Variants in HOMER1 observed in about 807,000 individuals in gnomAD.
The protein encoded by HOMER1 is homer scaffold protein 1, also known as homer protein homolog 1.
Under a neutral mutation model 48.9 loss-of-function variants are expected in HOMER1, and 3 were observed. That is an observed-to-expected ratio of 0.06 (90% CI 0.03 to 0.16). The LOEUF (loss-of-function observed/expected upper bound fraction) is 0.16, where lower values mean the gene tolerates loss of function less well. Among genes scored for constraint, HOMER1 ranks in the 10% least tolerant of loss-of-function variants. The pLI is 1.00. For synonymous variants in HOMER1, 134 were observed against 146.4 expected, an observed-to-expected ratio of 0.92 and a Z score of 0.61; for missense variants, 247 against 411.4, an observed-to-expected ratio of 0.60 and a Z score of 3.46.
At position 79,374,683 on chromosome 5, in the gene HOMER1, T is replaced by C. The variant is rs1748714958; in HGVS notation, c.*1326A>G. ...GTACTCTGATGCAATTCCTACTTTA[T>C]AAGCAGACTAGACAGCACTTGGCTT... On this transcript the variant is annotated 3_prime_UTR_variant, in exon 9 of 9. Coordinates refer to ENST00000334082, the MANE Select transcript of HOMER1 (RefSeq NM_004272.5). 1.3e-5 allele frequency: 2 copies of C among 152,024 alleles called. No homozygotes were observed. The highest frequency in any genetic ancestry group is 2.4e-5 in the African/African-American group (1 of 41,424). 9.4% of individuals were successfully genotyped at this position (152,024 alleles called of 1,614,324 possible).
chr5:79,510,105 T>C (rs527768158), intron 1 of HOMER1, among the ~76,000 whole-genome samples: 1 of 152,156 alleles, frequency 6.6e-6, no homozygotes, highest in African/African-American at 2.4e-5. Context: ...GCCTTTGCTG[T>C]ATGCTCTTCT....
At chr5:79,473,046 G>A (rs1182457299) in intron 1 of HOMER1, among the ~76,000 whole-genome samples, 2 of 152,054 alleles carry the variant, frequency 1.3e-5, no homozygotes, top group Non-Finnish European at 2.9e-5. Flanking sequence ...TTGCCCTGAG[G>A]GATCCCATAA....
intron 1 of HOMER1, among the ~76,000 whole-genome samples, chr5:79,484,411 G>C (rs1752038608): frequency 6.6e-6 from 1 of 152,008 alleles, no homozygotes; most frequent in African/African-American, 2.4e-5. Flanking sequence ...AAATGTACAT[G>C]ATCTAAACAC....
rs562158327 is a variant in HOMER1 at position 79,415,291 on chromosome 5, C to T, written c.528-13236G>A. Among the ~76,000 whole-genome samples the T allele has an allele frequency of 2.0e-5, 3 of 151,836 alleles. No homozygotes were observed. The South Asian group carries it at 6.3e-4, about 32-fold the overall frequency. On this transcript the variant is annotated intron_variant, in intron 5 of 8. Coordinates refer to ENST00000334082, the MANE Select transcript of HOMER1 (RefSeq NM_004272.5). ...CCTAGGGTGGTCTCAAACTCCTGGG[C>T]CCAGGCAATCCACCTGCCTCAGCCT...
intron 1 of HOMER1, among the ~76,000 whole-genome samples, chr5:79,469,609 A>C (rs1198030383): frequency 6.6e-6 from 1 of 151,816 alleles, no homozygotes; most frequent in African/African-American, 2.4e-5. Flanking sequence ...ATATTATTTT[A>C]TTTTTATCTG....
At chr5:79,501,197 G>T (rs1329838978) in intron 1 of HOMER1, among the ~76,000 whole-genome samples, 1 of 150,978 alleles carries the variant, frequency 6.6e-6, no homozygotes, top group African/African-American at 2.4e-5. Flanking sequence ...TCTCGAACTG[G>T]TAAGCTCAAG....
chr5:79,513,381 G>T lies in HOMER1; in HGVS notation c.-607C>A, dbSNP rs567347200. The T allele has an allele frequency of 2.0e-5, 3 of 153,062 alleles. No homozygotes were observed. Among genetic ancestry groups the T allele is most frequent in the Non-Finnish European group, 4.4e-5 (3 of 68,666 alleles). The allele number at this position is 153,062 out of a possible 1,614,324, so 9.5% of individuals were successfully genotyped here. On this transcript the variant is annotated 5_prime_UTR_variant, in exon 1 of 9. Coordinates refer to ENST00000334082, the MANE Select transcript of HOMER1 (RefSeq NM_004272.5). ...CGCAACCTGCACGGCACTCCACATT[G>T]GAATCTGTCTTTTTAAATGTTTCTC...
At chr5:79,442,046 C>T (rs1750752167) in intron 4 of HOMER1, among the ~76,000 whole-genome samples, 1 of 147,984 alleles carries the variant, frequency 6.8e-6, no homozygotes, top group Non-Finnish European at 1.5e-5. Flanking sequence ...GAAATAAAAA[C>T]AGATGAAATA....
At chr5:79,509,477 T>C (rs1030530379) in intron 1 of HOMER1, among the ~76,000 whole-genome samples, 2 of 143,582 alleles carry the variant, frequency 1.4e-5, no homozygotes, top group African/African-American at 5.3e-5. Context: ...GCTGTCATTA[T>C]GAGATACTAT....
chr5:79,504,366 A>T (rs1378936167), intron 1 of HOMER1, among the ~76,000 whole-genome samples: 1 of 151,846 alleles, frequency 6.6e-6, no homozygotes, highest in African/African-American at 2.4e-5. Flanking sequence ...AGTGATTCAT[A>T]ACAGAGTAAG....
chr5:79,397,784 G>A, intron 6 of HOMER1, 147 bp from the exon 7 acceptor site: 1 of 455,928 alleles, frequency 2.2e-6, no homozygotes, highest in Non-Finnish European at 3.8e-6. Context: ...TCAAGGTAGA[G>A]TGAATAGATT....
intron 8 of HOMER1, among the ~76,000 whole-genome samples, chr5:79,379,960 A>G (rs1178479289): frequency 6.6e-6 from 1 of 152,198 alleles, no homozygotes; most frequent in Admixed American, 6.5e-5. Flanking sequence ...ACTAGAAGCA[A>G]TTTGTACTTG....
intron 2 of HOMER1, among the ~76,000 whole-genome samples, chr5:79,456,138 T>A (rs1287747690): frequency 9.0e-6 from 1 of 111,090 alleles, no homozygotes; most frequent in Non-Finnish European, 1.8e-5. Flanking sequence ...AGAGCAAGAC[T>A]CCGTCTCAAA....
intron 8 of HOMER1, among the ~76,000 whole-genome samples, chr5:79,396,149 G>T (rs148659478): frequency 6.6e-6 from 1 of 152,172 alleles, no homozygotes; most frequent in African/African-American, 2.4e-5. Context: ...ACTGACACAT[G>T]ATGTTTTTTG....
intron 5 of HOMER1, among the ~76,000 whole-genome samples, chr5:79,435,394 C>G (rs1359223104): frequency 6.6e-6 from 1 of 152,074 alleles, no homozygotes; most frequent in Admixed American, 6.6e-5. Flanking sequence ...TCCCTATATC[C>G]CATCTTTTTT....
intron 1 of HOMER1, among the ~76,000 whole-genome samples, chr5:79,462,801 T>C (rs565776964): frequency 1.3e-5 from 2 of 152,326 alleles, no homozygotes; most frequent in African/African-American, 4.8e-5. Context: ...AAAAATATTA[T>C]ATGATTAACC....
At chr5:79,482,460 G>T (rs145928388) in intron 1 of HOMER1, among the ~76,000 whole-genome samples, 2 of 151,890 alleles carry the variant, frequency 1.3e-5, no homozygotes, top group African/African-American at 4.8e-5. Flanking sequence ...ACACTTGAAC[G>T]TATTAAAAAG....
chr5:79,379,170 AT>A (rs1748875235), intron 8 of HOMER1, among the ~76,000 whole-genome samples: 1 of 106,942 alleles, frequency 9.4e-6, no homozygotes, highest in African/African-American at 3.7e-5. Flanking sequence ...ATATTTATAT[AT>A]TATATATATT....
At chr5:79,507,835 C>T (rs76211111) in intron 1 of HOMER1, among the ~76,000 whole-genome samples, 4,233 of 152,282 alleles carry the variant, frequency 0.028, 164 homozygotes, top group East Asian at 0.21. Context: ...CTTCTGTCAA[C>T]CCCTTAACTC....
Sources: allele counts gnomAD v4.1 joint callset (sites outside exome capture counted in the v4.1 genomes callset), GRCh38; gene constraint gnomAD v4.1.1; transcripts MANE v1.5; gene names NCBI Gene and HGNC (gene_info 2026-07-23, HGNC 2026-07-21).